The following GLCCI1 variants were observed in gnomAD, a reference collection of about 807,000 sequenced individuals.
GLCCI1 encodes the protein glucocorticoid-induced transcript 1 protein.
Under a neutral mutation model 52.2 loss-of-function variants are expected in GLCCI1, and 24 were observed. The observed-to-expected ratio is 0.46, with a 90% CI of 0.33 to 0.65. GLCCI1 has a LOEUF of 0.65. Among genes scored for constraint, GLCCI1 ranks in the 30% least tolerant of loss-of-function variants. The probability of loss-of-function intolerance (pLI) is 0.02; values close to 1 mark genes in which losing one functional copy is unlikely to be tolerated. For synonymous variants in GLCCI1, 310 were observed against 276.5 expected (o/e 1.12, Z -1.20); for missense variants, 704 against 701.5 (o/e 1.00, Z -0.04).
intron 1 of GLCCI1, among the ~76,000 whole-genome samples, chr7:7,997,591 A>G (rs1780959115): frequency 1.3e-5 from 2 of 152,210 alleles, no homozygotes; most frequent in African/African-American, 4.8e-5. Flanking sequence ...GTTAAACATC[A>G]TGAAAAACTC....
At chr7:7,980,827 A>G in intron 1 of GLCCI1, 1 of 685,924 alleles carries the variant, frequency 1.5e-6, no homozygotes, top group East Asian at 2.5e-5. Context: ...ACCTTTGTTG[A>G]CAAGGACTTT....
At chr7:8,049,270 TGA>T (rs1427400896) in intron 3 of GLCCI1, among the ~76,000 whole-genome samples, 1 of 152,218 alleles carries the variant, frequency 6.6e-6, no homozygotes, top group Non-Finnish European at 1.5e-5. Context: ...ATAGTTTTAC[TGA>T]GAGGGTACAG....
At chr7:7,995,270 A>G (rs1315210550) in intron 1 of GLCCI1, among the ~76,000 whole-genome samples, 1 of 152,210 alleles carries the variant, frequency 6.6e-6, no homozygotes, top group Non-Finnish European at 1.5e-5. Context: ...GCACTTTAGG[A>G]GGCTGAGGTA....
intron 3 of GLCCI1, among the ~76,000 whole-genome samples, chr7:8,034,878 C>G (rs1781831655): frequency 6.6e-6 from 1 of 152,316 alleles, no homozygotes; most frequent in East Asian, 1.9e-4. Flanking sequence ...AACCCAAACA[C>G]TGGTGTGGGT....
intron 1 of GLCCI1, among the ~76,000 whole-genome samples, chr7:7,973,413 C>CGTGTGTGTGTGT (rs57135358): frequency 0.11 from 16,531 of 147,538 alleles, 993 homozygotes; most frequent in Non-Finnish European, 0.12. Context: ...TCTTTGTGTG[C>CGTGTGTGTGTGT]GTGTGTGTGT....
intron 3 of GLCCI1, among the ~76,000 whole-genome samples, chr7:8,027,683 TG>T (rs1420712031): frequency 3.4e-5 from 5 of 147,132 alleles, no homozygotes; most frequent in African/African-American, 1.3e-4. Flanking sequence ...GCTGAATGGA[TG>T]AAAAAAAAAA....
At chr7:8,021,164 G>C (rs1434351551) in intron 2 of GLCCI1, among the ~76,000 whole-genome samples, 3 of 152,112 alleles carry the variant, frequency 2.0e-5, no homozygotes, top group Non-Finnish European at 4.4e-5. Flanking sequence ...TATTTTAAAA[G>C]TTTTCCACAA....
chr7:8,005,026 A>T (rs1211730697), intron 2 of GLCCI1, among the ~76,000 whole-genome samples: 1 of 152,122 alleles, frequency 6.6e-6, no homozygotes. Flanking sequence ...CTGTCCTTGT[A>T]ATGTTTTATG....
At chr7:7,992,018 C>T (rs1031536846) in intron 1 of GLCCI1, among the ~76,000 whole-genome samples, 7 of 151,752 alleles carry the variant, frequency 4.6e-5, no homozygotes, top group South Asian at 2.1e-4. Context: ...AATTCAATGA[C>T]GTTGGAGGAA....
Position 8,053,323 on chromosome 7 carries a change from TTTTG to T in GLCCI1, c.697-2094_697-2091del, listed in dbSNP as rs1554262341. On this transcript the variant is annotated intron_variant, in intron 3 of 7. Transcript: ENST00000223145. ...TGTTTTTTTTTGTTTTCGTTTTTTT[TTTTG>T]TTTGTTTGTTTGTTTTGAGACAGTC... Among the ~76,000 whole-genome samples the T allele has an allele frequency of 5.2e-3, 702 of 136,150 alleles. 10 individuals are homozygous for T. The highest frequency in any genetic ancestry group is 2.2e-3 in the Non-Finnish European group (141 of 65,480). The allele number at this position is 136,150 out of a possible 152,430, so 89.3% of individuals were successfully genotyped here.
At chr7:7,975,212 C>T (rs1472862955) in intron 1 of GLCCI1, among the ~76,000 whole-genome samples, 2 of 152,162 alleles carry the variant, frequency 1.3e-5, no homozygotes, top group Non-Finnish European at 2.9e-5. Context: ...AGCAGTAATT[C>T]TGAAAAATCT....
intron 1 of GLCCI1, among the ~76,000 whole-genome samples, chr7:7,979,594 T>C (rs1272749535): frequency 2.0e-5 from 3 of 152,202 alleles, no homozygotes; most frequent in Non-Finnish European, 4.4e-5. Context: ...TTACCTATTA[T>C]AATATTATAC....
chr7:8,042,653 C>A (rs1224437664), intron 3 of GLCCI1, among the ~76,000 whole-genome samples: 1 of 152,116 alleles, frequency 6.6e-6, no homozygotes, highest in African/African-American at 2.4e-5. Flanking sequence ...AGAAGTGGAA[C>A]CTGAAGATGT....
intron 3 of GLCCI1, among the ~76,000 whole-genome samples, chr7:8,033,434 A>G (rs1781800522): frequency 6.6e-6 from 1 of 152,134 alleles, no homozygotes; most frequent in South Asian, 2.1e-4. Flanking sequence ...ACAAAAAGAC[A>G]TTCGGATTGT....
In GLCCI1 at chr7:7,969,404, C is replaced by G. The variant is rs1383877394; in HGVS notation, c.54C>G (p.Pro18=). The G allele has an allele frequency of 1.5e-5, 21 of 1,416,396 alleles. No homozygotes were observed. Among genetic ancestry groups the G allele is most frequent in the Middle Eastern group, 2.3e-4 (1 of 4,356 alleles). The allele number at this position is 1,416,396 out of a possible 1,614,324, so 87.7% of individuals were successfully genotyped here. Residue 18 remains proline (P), a synonymous_variant, in exon 1 of 8, where the codon CCC becomes CCG. Coordinates refer to ENST00000223145, the MANE Select transcript of GLCCI1 (RefSeq NM_138426.4). This position sits in a 1 kb window ranked among gnomAD's most constrained non-coding sequence, Gnocchi z 4.9. ...SSSSSSQTPH[P]PSQRMRRSAA... is the part of the protein sequence containing the mutation. ...CCAGTTCCTCTCAGACCCCTCATCC[C>G]CCGTCGCAGAGGATGAGGCGCAGCG...
intron 5 of GLCCI1, among the ~76,000 whole-genome samples, chr7:8,067,205 T>A (rs1782647704): frequency 6.6e-6 from 1 of 152,174 alleles, no homozygotes; most frequent in Admixed American, 6.5e-5. Context: ...GCAATCTTGC[T>A]TTTTTTCAGT....
intron 1 of GLCCI1, among the ~76,000 whole-genome samples, chr7:7,990,956 A>G (rs1199878947): frequency 6.6e-6 from 1 of 152,064 alleles, no homozygotes; most frequent in South Asian, 2.1e-4. Flanking sequence ...GGGGGTGGGG[A>G]GAATACAGCT....
intron 1 of GLCCI1, among the ~76,000 whole-genome samples, chr7:7,975,160 A>C (rs1199401450): frequency 6.6e-6 from 1 of 152,194 alleles, no homozygotes; most frequent in Non-Finnish European, 1.5e-5. Context: ...CTATTCTGGA[A>C]GAATTTTTGT....
chr7:8,074,276 A>C (rs1488531195), intron 6 of GLCCI1, among the ~76,000 whole-genome samples: 3 of 152,184 alleles, frequency 2.0e-5, no homozygotes, highest in African/African-American at 7.2e-5. Flanking sequence ...TAGAATACTA[A>C]AAGTGTAAAG....
Sources: allele counts gnomAD v4.1 joint callset (sites outside exome capture counted in the v4.1 genomes callset), GRCh38; gene constraint gnomAD v4.1.1; non-coding constraint Gnocchi (gnomAD v3.1); transcripts MANE v1.5; gene names NCBI Gene and HGNC (gene_info 2026-07-23, HGNC 2026-07-21).